The following TMPRSS11F variants were observed in gnomAD, a reference collection of about 807,000 sequenced individuals.
The protein encoded by TMPRSS11F is transmembrane protease serine 11F.
A neutral mutation model predicts 60.2 loss-of-function variants in TMPRSS11F; 47 were observed. The observed-to-expected ratio is 0.78, with a 90% CI of 0.62 to 1.00. TMPRSS11F has a LOEUF of 1.00. Ranked by LOEUF, TMPRSS11F falls within the 50% of genes least tolerant of loss-of-function variation. TMPRSS11F has a pLI of 0.00. For missense variants in TMPRSS11F, 519 were observed against 522.9 expected (o/e 0.99, Z 0.07); for synonymous variants, 166 against 167.3 (o/e 0.99, Z 0.06).
At chr4:68,079,138 C>T (rs1038826018) in intron 3 of TMPRSS11F, among the ~76,000 whole-genome samples, 18 of 150,492 alleles carry the variant, frequency 1.2e-4, no homozygotes, top group African/African-American at 4.4e-4. Context: ...GCATGGCAGG[C>T]ATTGGACTGA....
At chr4:68,121,329 CAG>C (rs1434009491) in intron 1 of TMPRSS11F, among the ~76,000 whole-genome samples, 2 of 152,072 alleles carry the variant, frequency 1.3e-5, no homozygotes, top group Non-Finnish European at 2.9e-5. Context: ...GAGACAAAAA[CAG>C]AATTAAAATA....
chr4:68,059,183 G>A (rs1723104937), intron 9 of TMPRSS11F, 143 bp downstream of exon 9: 1 of 836,004 alleles, frequency 1.2e-6, no homozygotes, highest in Non-Finnish European at 1.8e-6. Context: ...TACAATTATT[G>A]TTATTGTTAT....
chr4:68,121,165 T>C (rs1475742482), intron 1 of TMPRSS11F, among the ~76,000 whole-genome samples: 5 of 152,190 alleles, frequency 3.3e-5, no homozygotes, highest in African/African-American at 9.7e-5. Context: ...CTATGAGATG[T>C]CTCAATGGCC....
chr4:68,082,936 C>G (rs1560400252), intron 3 of TMPRSS11F, among the ~76,000 whole-genome samples: 1 of 152,198 alleles, frequency 6.6e-6, no homozygotes, highest in Non-Finnish European at 1.5e-5. Context: ...GATCTGGGTA[C>G]AGAAGGCTTG....
At chr4:68,129,595 A>G (rs1356235529) in intron 1 of TMPRSS11F, among the ~76,000 whole-genome samples, 1 of 152,182 alleles carries the variant, frequency 6.6e-6, no homozygotes, top group Non-Finnish European at 1.5e-5. Flanking sequence ...TCTTTTATTT[A>G]GAAACAAAAA....
intron 2 of TMPRSS11F, among the ~76,000 whole-genome samples, chr4:68,096,589 G>T (rs958370870): frequency 1.3e-5 from 2 of 152,086 alleles, no homozygotes; most frequent in African/African-American, 4.8e-5. Flanking sequence ...TGGCTGAAGG[G>T]CACTGATAAA....
intron 1 of TMPRSS11F, among the ~76,000 whole-genome samples, chr4:68,128,344 C>T (rs988074690): frequency 2.6e-5 from 4 of 152,096 alleles, no homozygotes; most frequent in Non-Finnish European, 5.9e-5. Flanking sequence ...ATGCTAATTA[C>T]TCTGATCTGA....
intron 3 of TMPRSS11F, among the ~76,000 whole-genome samples, chr4:68,083,549 G>T (rs1205047088): frequency 6.6e-6 from 1 of 151,914 alleles, no homozygotes; most frequent in East Asian, 1.9e-4. Context: ...CAAGAATCTA[G>T]CCACAAATAA....
chr4:68,057,082 C>T (rs561136380), intron 9 of TMPRSS11F, among the ~76,000 whole-genome samples: 7 of 152,014 alleles, frequency 4.6e-5, no homozygotes, highest in African/African-American at 9.6e-5. Flanking sequence ...GTCAGGAGTT[C>T]GAGACCAGCC....
chr4:68,117,194 G>A (rs965756629), intron 1 of TMPRSS11F, among the ~76,000 whole-genome samples: 21 of 152,160 alleles, frequency 1.4e-4, no homozygotes, highest in Middle Eastern at 3.4e-3. Context: ...TTGGCCAGGC[G>A]CGGTGGCTCA....
At chr4:68,093,149 T>C (rs1364864979) in intron 2 of TMPRSS11F, among the ~76,000 whole-genome samples, 1 of 152,222 alleles carries the variant, frequency 6.6e-6, no homozygotes, top group Non-Finnish European at 1.5e-5. Flanking sequence ...TCGAATTTAA[T>C]AATGGCAAAT....
At position 68,104,740 on chromosome 4, in the gene TMPRSS11F, T is replaced by A. The variant is rs150761875; in HGVS notation, c.12-5702A>T. 8.9e-4 allele frequency among the ~76,000 whole-genome samples: 135 copies of A among 152,308 alleles called. 1 individual carries two copies. Among genetic ancestry groups the A allele is most frequent in the African/African-American group, 3.2e-3 (132 of 41,578 alleles). ...TATCAAGAAATAATGTTGAACTTTG[T>A]CAGAGATATTTTCAATAAAGATAAT... is the stretch of plus-strand genomic sequence containing the variant. On this transcript the variant is annotated intron_variant, in intron 1 of 9. Transcript: ENST00000356291.
chr4:68,059,304 T>C lies in TMPRSS11F; in HGVS notation c.1158+22A>G, dbSNP rs753245028. The C allele has an allele frequency of 4.3e-6, 7 of 1,610,452 alleles. No homozygotes were observed. The Middle Eastern group carries it at 1.2e-3, about 267-fold the overall frequency. On this transcript the variant is annotated intron_variant, in intron 9 of 9. Coordinates refer to ENST00000356291, the MANE Select transcript of TMPRSS11F (RefSeq NM_207407.2). ...TAATGGAAACTTTCCTCATAAACTTTTGGCCTTGACTTTAAACTTACCTTA... is the reference window on the plus strand; with the variant it reads ...TAATGGAAACTTTCCTCATAAACTTCTGGCCTTGACTTTAAACTTACCTTA...
intron 8 of TMPRSS11F, among the ~76,000 whole-genome samples, chr4:68,060,515 CAAAAAAAAAAA>C (rs71218926): frequency 1.3e-4 from 4 of 29,638 alleles, no homozygotes; most frequent in South Asian, 3.1e-3. Context: ...GACTCCAACT[CAAAAAAAAAAA>C]AAAAAAAAAA....
At chr4:68,122,422 T>C (rs1560413489) in intron 1 of TMPRSS11F, among the ~76,000 whole-genome samples, 1 of 152,142 alleles carries the variant, frequency 6.6e-6, no homozygotes, top group African/African-American at 2.4e-5. Context: ...GGAAAAAAGC[T>C]TATTTCATAG....
rs968014003 is a variant in TMPRSS11F, at chr4:68,121,528, T to TTA, written c.11+8280_11+8281dup. ...TAATAAACACCAGTTCTATTTTATT[T>TTA]TATATATATATAACATGGAGGCTAA... On this transcript the variant is annotated intron_variant, in intron 1 of 9. Transcript: ENST00000356291. 1.3e-4 allele frequency among the ~76,000 whole-genome samples: 20 copies of TTA among 152,158 alleles called. 1 individual carries two copies. In the South Asian group the frequency reaches 3.5e-3, roughly 27 times the overall value.
intron 3 of TMPRSS11F, among the ~76,000 whole-genome samples, chr4:68,075,432 A>C (rs565495191): frequency 6.6e-6 from 1 of 152,188 alleles, no homozygotes; most frequent in African/African-American, 2.4e-5. Flanking sequence ...TTCCTTCAAC[A>C]CAATCTTACC....
rs1723110182 is a variant in TMPRSS11F, at chr4:68,059,419, A to T, written c.1065T>A (p.Thr355=). 1.2e-6 allele frequency: 2 copies of T among 1,613,908 alleles called. No homozygotes were observed. Among genetic ancestry groups the T allele is most frequent in the Admixed American group, 3.3e-5 (2 of 60,000 alleles). ...LRQARVETIS[T]DVCNRKDVYD... is the part of the protein sequence containing the mutation. ...ACACATCCTTTCTGTTACACACATCAGTGCTTATGGTTTCCACTCTGGCTT... is the reference window on the plus strand; with the variant it reads ...ACACATCCTTTCTGTTACACACATCTGTGCTTATGGTTTCCACTCTGGCTT... Residue 355 remains threonine, a synonymous_variant, in exon 9 of 10, where the codon ACT becomes ACA. Transcript: ENST00000356291.
rs565210959 is a variant in TMPRSS11F, at chr4:68,083,582, CT to C, written c.282+6940del. Among the ~76,000 whole-genome samples the C allele has an allele frequency of 1.1e-3, 171 of 152,136 alleles. 1 individual carries two copies. Among genetic ancestry groups the C allele is most frequent in the Middle Eastern group, 6.8e-3 (2 of 294 alleles). On this transcript the variant is annotated intron_variant, in intron 3 of 9. Transcript: ENST00000356291. ...TAAAAACCAGTACAGAACTTTGGCCCTCTGAAAGCACCAAGAAATGAAGACA... is the reference window on the plus strand; with the variant it reads ...TAAAAACCAGTACAGAACTTTGGCCCCTGAAAGCACCAAGAAATGAAGACA...
Sources: allele counts gnomAD v4.1 joint callset (sites outside exome capture counted in the v4.1 genomes callset), GRCh38; gene constraint gnomAD v4.1.1; transcripts MANE v1.5; gene names NCBI Gene and HGNC (gene_info 2026-07-23, HGNC 2026-07-21).